MARCHF1: variants seen among roughly 807,000 people sequenced by gnomAD.
MARCHF1 encodes E3 ubiquitin-protein ligase MARCHF1.
In MARCHF1, 40 loss-of-function variants were observed where a neutral mutation model predicts 54.2. The ratio of observed to expected loss-of-function variants is 0.74; its 90% CI spans 0.57 to 0.96. MARCHF1 has a LOEUF of 0.96. Among genes scored for constraint, MARCHF1 ranks in the 40% least tolerant of loss-of-function variants. MARCHF1 has a pLI of 0.00. For missense variants in MARCHF1, 586 were observed against 656.5 expected (o/e 0.89, Z 1.17); for synonymous variants, 236 against 236.3 (o/e 1.00, Z 0.01).
intron 5 of MARCHF1, among the ~76,000 whole-genome samples, chr4:163,699,942 A>G (rs775696350): frequency 1.3e-5 from 2 of 150,606 alleles, no homozygotes; most frequent in South Asian, 2.1e-4. Context: ...TTAGATTTAT[A>G]TACAGTCTAG....
chr4:163,546,087 C>T (rs568031307), intron 8 of MARCHF1, among the ~76,000 whole-genome samples: 1 of 152,050 alleles, frequency 6.6e-6, no homozygotes, highest in South Asian at 2.1e-4. Flanking sequence ...AGAACCTCTG[C>T]CTCAGCCCCC....
intron 1 of MARCHF1, among the ~76,000 whole-genome samples, chr4:164,214,077 T>C (rs1031242381): frequency 6.6e-6 from 1 of 151,976 alleles, no homozygotes; most frequent in Admixed American, 6.6e-5. Flanking sequence ...TATGTACCCA[T>C]AAAAATTTTA....
chr4:164,352,660 C>A (rs1730387562), intron 1 of MARCHF1, among the ~76,000 whole-genome samples: 1 of 150,464 alleles, frequency 6.6e-6, no homozygotes, highest in Non-Finnish European at 1.5e-5. Context: ...CAAAATCATG[C>A]CAAAATGTAA....
chr4:163,615,787 G>T (rs1251404599), intron 5 of MARCHF1, among the ~76,000 whole-genome samples: 1 of 152,012 alleles, frequency 6.6e-6, no homozygotes. Flanking sequence ...TGAGCAAAAA[G>T]AACTAAGCTA....
chr4:164,279,412 A>T (rs185645395), intron 1 of MARCHF1, among the ~76,000 whole-genome samples: 2 of 151,434 alleles, frequency 1.3e-5, no homozygotes, highest in Admixed American at 1.3e-4. Context: ...AAGATGCATA[A>T]ATATATATAT....
chr4:164,106,304 GAC>G (rs1308909100), intron 2 of MARCHF1, among the ~76,000 whole-genome samples: 1 of 87,510 alleles, frequency 1.1e-5, no homozygotes, highest in African/African-American at 5.4e-5. Flanking sequence ...CTGCTATAAA[GAC>G]ACATGCACAC....
intron 1 of MARCHF1, among the ~76,000 whole-genome samples, chr4:164,260,450 CT>C (rs1201296923): frequency 6.6e-6 from 1 of 151,906 alleles, no homozygotes; most frequent in Admixed American, 6.6e-5. Context: ...GGTAAATTAA[CT>C]CTCTCTTTTC....
At position 163,613,307 on chromosome 4, in the gene MARCHF1, C is replaced by T; in HGVS notation, c.242+7G>A. ...ATATAGATTAAGATAATTTGTTCAG[C>T]ACTTACCTGCAGATGTCCTGAGTGG... On this transcript the variant is annotated splice_region_variant and intron_variant, in intron 6 of 9. Transcript: ENST00000514618. 1 of 1,605,642 alleles carries T rather than the reference C, an allele frequency of 6.2e-7. No homozygotes were observed.
intron 9 of MARCHF1, among the ~76,000 whole-genome samples, chr4:163,535,919 T>TG (rs1218569176): frequency 6.6e-6 from 1 of 152,076 alleles, no homozygotes; most frequent in African/African-American, 2.4e-5. Context: ...TTGTTGTACC[T>TG]GGAGTGGGGT....
chr4:164,105,140 T>A (rs1755662248), intron 2 of MARCHF1, among the ~76,000 whole-genome samples: 1 of 102,004 alleles, frequency 9.8e-6, no homozygotes, highest in Admixed American at 1.1e-4. Flanking sequence ...GGAAGAACAT[T>A]CCATGTTCAT....
chr4:163,988,849 A>G (rs1752918349), intron 2 of MARCHF1, 140 bp from the exon 3 acceptor site: 1 of 152,230 alleles, frequency 6.6e-6, no homozygotes, highest in African/African-American at 2.4e-5. Context: ...GCATTCTCCA[A>G]AGGATGATTT....
intron 3 of MARCHF1, among the ~76,000 whole-genome samples, chr4:163,956,743 A>G (rs920770321): frequency 9.9e-5 from 15 of 152,106 alleles, no homozygotes; most frequent in Non-Finnish European, 1.5e-5. Flanking sequence ...GAGTGGTAAC[A>G]TGGCTTTCAA....
chr4:164,251,686 A>T (rs1733130042), intron 1 of MARCHF1, among the ~76,000 whole-genome samples: 2 of 152,204 alleles, frequency 1.3e-5, no homozygotes, highest in Non-Finnish European at 2.9e-5. Flanking sequence ...TGAAAATTCA[A>T]GGCCTGGCTT....
chr4:163,911,700 G>A (rs893509357), intron 3 of MARCHF1, among the ~76,000 whole-genome samples: 4 of 152,040 alleles, frequency 2.6e-5, no homozygotes, highest in Non-Finnish European at 5.9e-5. Context: ...GGGCAATTAA[G>A]GTAAAACGAT....
chr4:163,930,718 C>T (rs982858141), intron 3 of MARCHF1, among the ~76,000 whole-genome samples: 2 of 151,904 alleles, frequency 1.3e-5, no homozygotes, highest in Admixed American at 1.3e-4. Context: ...TGTCAAAGAG[C>T]GCTGTGACTC....
At chr4:163,986,330 T>A (rs541822540) in intron 3 of MARCHF1, among the ~76,000 whole-genome samples, 6 of 137,410 alleles carry the variant, frequency 4.4e-5, no homozygotes, top group African/African-American at 1.6e-4. Context: ...AGTGGCGCGA[T>A]CTCGGCTCAC....
At chr4:164,091,447 C>T (rs1486884915) in intron 2 of MARCHF1, among the ~76,000 whole-genome samples, 8 of 131,068 alleles carry the variant, frequency 6.1e-5, no homozygotes, top group Non-Finnish European at 1.3e-4. Flanking sequence ...ATGAATTGCA[C>T]GCAGTTAATA....
At chr4:164,374,932 C>A (rs1031794680) in intron 1 of MARCHF1, among the ~76,000 whole-genome samples, 1 of 152,020 alleles carries the variant, frequency 6.6e-6, no homozygotes, top group Non-Finnish European at 1.5e-5. Flanking sequence ...ATATATTATG[C>A]TAAATATTAA....
At chr4:163,875,877 T>C (rs1750276381) in intron 3 of MARCHF1, among the ~76,000 whole-genome samples, 3 of 152,040 alleles carry the variant, frequency 2.0e-5, no homozygotes, top group Admixed American at 6.6e-5. Context: ...TTAGCAAACC[T>C]TGGAAGGCTG....
Sources: allele counts gnomAD v4.1 joint callset (sites outside exome capture counted in the v4.1 genomes callset), GRCh38; gene constraint gnomAD v4.1.1; transcripts MANE v1.5; gene names NCBI Gene and HGNC (gene_info 2026-07-23, HGNC 2026-07-21).